The following ZNF385D variants were observed in gnomAD, a reference collection of about 807,000 sequenced individuals.
ZNF385D encodes the protein zinc finger protein 385D, also known as zinc finger protein 659.
A neutral mutation model predicts 35.8 loss-of-function variants in ZNF385D; 15 were observed. The observed-to-expected ratio is 0.42, with a 90% CI of 0.28 to 0.64. The LOEUF is 0.64. Ranked by LOEUF, ZNF385D falls within the 30% of genes least tolerant of loss-of-function variation. The pLI is 0.23. For synonymous variants in ZNF385D, 212 were observed against 186.8 expected, an observed-to-expected ratio of 1.13 and a Z score of -1.10; for missense variants, 474 against 494.6, an observed-to-expected ratio of 0.96 and a Z score of 0.39.
rs1226870597 is a variant in ZNF385D, at chr3:21,539,143, C to T, written c.276+25431G>A. ...TAAACCTGCATAATAATAATGCAAC[C>T]CTTGACAAACCTGATCAACTCCTAT... On this transcript the variant is annotated intron_variant, in intron 3 of 7. Transcript: ENST00000281523. The surrounding 1 kb of genome is among the most constrained non-coding windows in gnomAD (Gnocchi z 4.0). Among the ~76,000 whole-genome samples, 4 of 151,586 alleles carry T rather than the reference C, an allele frequency of 2.6e-5. No individual in the cohort carries two copies. The highest frequency in any genetic ancestry group is 9.7e-5 in the African/African-American group (4 of 41,322).
chr3:21,806,641 GA>G (rs2072663164), intron 3 of ZNF385D, among the ~76,000 whole-genome samples: 2 of 152,100 alleles, frequency 1.3e-5, no homozygotes, highest in African/African-American at 4.8e-5. Flanking sequence ...AATTTTTTGG[GA>G]GATTTTGTTG....
intron 1 of ZNF385D, among the ~76,000 whole-genome samples, chr3:21,684,591 A>C (rs566685206): frequency 6.6e-6 from 1 of 152,284 alleles, no homozygotes; most frequent in South Asian, 2.1e-4. Context: ...ATAAAGTCAC[A>C]TTAATTTTAA....
chr3:22,189,176 C>T (rs925031946), intron 2 of ZNF385D, among the ~76,000 whole-genome samples: 1 of 152,102 alleles, frequency 6.6e-6, no homozygotes, highest in Non-Finnish European at 1.5e-5. Context: ...CAAGGTCATC[C>T]CTGACTTCTT....
chr3:22,307,001 T>C (rs922863969), intron 2 of ZNF385D, among the ~76,000 whole-genome samples: 5 of 152,130 alleles, frequency 3.3e-5, no homozygotes, highest in Non-Finnish European at 5.9e-5. Flanking sequence ...GAAGGTAACA[T>C]AATACCCCAT....
chr3:22,194,536 A>C (rs1696275878), intron 2 of ZNF385D, among the ~76,000 whole-genome samples: 1 of 151,860 alleles, frequency 6.6e-6, no homozygotes, highest in South Asian at 2.1e-4. Flanking sequence ...GTTTGCAGTA[A>C]AATTCACTGT....
intron 3 of ZNF385D, among the ~76,000 whole-genome samples, chr3:22,066,461 C>CAT (rs1553602038): frequency 1.0e-5 from 1 of 98,112 alleles, no homozygotes; most frequent in Non-Finnish European, 2.0e-5. Flanking sequence ...GATGGTTCCC[C>CAT]GTGTGTGTGT....
At chr3:21,817,171 A>G (rs1006234305) in intron 3 of ZNF385D, among the ~76,000 whole-genome samples, 1 of 152,222 alleles carries the variant, frequency 6.6e-6, no homozygotes, top group Non-Finnish European at 1.5e-5. Context: ...GACACCTTAT[A>G]CAAAAATTAA....
intron 3 of ZNF385D, among the ~76,000 whole-genome samples, chr3:21,784,601 A>G (rs1320454933): frequency 1.3e-5 from 2 of 152,094 alleles, no homozygotes; most frequent in Non-Finnish European, 2.9e-5. Flanking sequence ...TTTAGAGGGC[A>G]CTAAACATCT....
chr3:21,656,122 C>G (rs1010294067), intron 2 of ZNF385D, among the ~76,000 whole-genome samples: 1 of 151,982 alleles, frequency 6.6e-6, no homozygotes, highest in African/African-American at 2.4e-5. Flanking sequence ...TATAGAGTCT[C>G]TCACCCCACA....
chr3:21,810,364 G>T (rs984897414), intron 3 of ZNF385D, among the ~76,000 whole-genome samples: 1 of 151,842 alleles, frequency 6.6e-6, no homozygotes, highest in African/African-American at 2.4e-5. Flanking sequence ...ATGTGTGTCT[G>T]GGGCCTGTCG....
At chr3:22,045,387 AAT>A (rs1698930270) in intron 3 of ZNF385D, among the ~76,000 whole-genome samples, 1 of 152,144 alleles carries the variant, frequency 6.6e-6, no homozygotes, top group East Asian at 1.9e-4. Context: ...GCTCTTGAGA[AAT>A]ACGAATGGGA....
At chr3:21,466,704 T>TA (rs964442377) in intron 4 of ZNF385D, among the ~76,000 whole-genome samples, 4 of 151,944 alleles carry the variant, frequency 2.6e-5, no homozygotes, top group African/African-American at 4.8e-5. Flanking sequence ...AAAAATTTGT[T>TA]AAAAAAAATG....
At chr3:21,789,357 G>T (rs74955623) in intron 3 of ZNF385D, among the ~76,000 whole-genome samples, 3,632 of 152,234 alleles carry the variant, frequency 0.024, 54 homozygotes, top group Middle Eastern at 0.044. Context: ...ATATATAGGA[G>T]AATTCAAAGT....
At chr3:22,311,592 A>C (rs1392653056) in intron 2 of ZNF385D, among the ~76,000 whole-genome samples, 2 of 152,142 alleles carry the variant, frequency 1.3e-5, no homozygotes, top group African/African-American at 4.8e-5. Flanking sequence ...AAATATTTCT[A>C]AACGTAAAGA....
At chr3:21,815,748 G>A (rs533532153) in intron 3 of ZNF385D, among the ~76,000 whole-genome samples, 1 of 152,262 alleles carries the variant, frequency 6.6e-6, no homozygotes, top group South Asian at 2.1e-4. Flanking sequence ...TTCTACCAGA[G>A]GTACAAAGCG....
chr3:21,661,027 T>C (rs980141620), intron 2 of ZNF385D, among the ~76,000 whole-genome samples: 7 of 152,246 alleles, frequency 4.6e-5, no homozygotes, highest in Non-Finnish European at 7.4e-5. Flanking sequence ...TGAAAAGAAA[T>C]ATTTCACAGA....
chr3:21,535,111 A>G (rs1169783146), intron 3 of ZNF385D, among the ~76,000 whole-genome samples: 1 of 152,156 alleles, frequency 6.6e-6, no homozygotes, highest in Non-Finnish European at 1.5e-5. Context: ...TCTAAAGAAC[A>G]TAACAACAAT....
intron 3 of ZNF385D, among the ~76,000 whole-genome samples, chr3:21,869,526 C>T (rs1007014466): frequency 5.9e-5 from 9 of 151,920 alleles, no homozygotes; most frequent in African/African-American, 1.9e-4. Context: ...TCAGTAAAGC[C>T]CACTAAGTTG....
intron 3 of ZNF385D, among the ~76,000 whole-genome samples, chr3:21,933,655 T>C (rs1559768057): frequency 6.6e-6 from 1 of 152,218 alleles, no homozygotes; most frequent in South Asian, 2.1e-4. Flanking sequence ...TTAATTTCTG[T>C]ATACCATGAC....
Sources: gnomAD v4.1 joint callset for allele counts (sites outside exome capture counted in the v4.1 genomes callset) on GRCh38, gnomAD v4.1.1 for gene constraint, Gnocchi (gnomAD v3.1) non-coding constraint, MANE v1.5 for transcripts, NCBI Gene and HGNC (gene_info 2026-07-23, HGNC 2026-07-21) for gene names.